Variants in ADCY8 observed in about 807,000 individuals in gnomAD.
The protein encoded by ADCY8 is adenylate cyclase type 8.
ADCY8 carries 51 observed loss-of-function variants against 119.7 expected under a neutral mutation model. The ratio of observed to expected loss-of-function variants is 0.43; its 90% confidence interval spans 0.34 to 0.54. The LOEUF (loss-of-function observed/expected upper bound fraction) is 0.54, where lower values mean the gene tolerates loss of function less well. ADCY8 is among the 20% of genes least tolerant of loss of function. The pLI is 0.03. For missense variants in ADCY8, 1,383 were observed against 1,598.8 expected (o/e 0.87, Z 2.30); for synonymous variants, 665 against 651.0 (o/e 1.02, Z -0.33).
chr8:130,871,457 T>C (rs1485865957), intron 8 of ADCY8, among the ~76,000 whole-genome samples: 4 of 152,208 alleles, frequency 2.6e-5, no homozygotes, highest in South Asian at 2.1e-4. Context: ...GATACAATAA[T>C]AGGAATTATC....
chr8:131,014,307 T>G (rs1391980629), intron 1 of ADCY8, among the ~76,000 whole-genome samples: 1 of 152,206 alleles, frequency 6.6e-6, no homozygotes, highest in African/African-American at 2.4e-5. Context: ...ACATGGTGAT[T>G]ATGAGTAAGT....
At chr8:130,870,069 A>T (rs1278636192) in intron 8 of ADCY8, among the ~76,000 whole-genome samples, 5 of 142,304 alleles carry the variant, frequency 3.5e-5, no homozygotes, top group Admixed American at 1.5e-4. Flanking sequence ...GCTGGAGTGC[A>T]GTGGTGCAAT....
At chr8:130,984,616 T>C (rs113279135) in intron 2 of ADCY8, among the ~76,000 whole-genome samples, 1,828 of 152,116 alleles carry the variant, frequency 0.012, 44 homozygotes, top group African/African-American at 0.042. Flanking sequence ...CTGGTTAACA[T>C]CAATTAGAAA....
chr8:130,825,085 T>C (rs1240358118), intron 12 of ADCY8, among the ~76,000 whole-genome samples: 1 of 152,206 alleles, frequency 6.6e-6, no homozygotes, highest in East Asian at 1.9e-4. Context: ...CAATTGTACA[T>C]ATTTATAGGG....
At chr8:130,815,941 G>C (rs1473089307) in intron 13 of ADCY8, among the ~76,000 whole-genome samples, 1 of 152,186 alleles carries the variant, frequency 6.6e-6, no homozygotes, top group Non-Finnish European at 1.5e-5. Flanking sequence ...AAGGTGCACA[G>C]TGTCCTTTCC....
intron 4 of ADCY8, among the ~76,000 whole-genome samples, chr8:130,941,129 T>C (rs1820942504): frequency 6.6e-6 from 1 of 152,228 alleles, no homozygotes; most frequent in Non-Finnish European, 1.5e-5. Flanking sequence ...TTTTATCTAA[T>C]TGTAATCACG....
At chr8:130,925,691 C>T (rs1286528167) in intron 5 of ADCY8, among the ~76,000 whole-genome samples, 1 of 152,196 alleles carries the variant, frequency 6.6e-6, no homozygotes, top group Non-Finnish European at 1.5e-5. Context: ...GGAATCCTGA[C>T]TGGAATTCTT....
intron 2 of ADCY8, among the ~76,000 whole-genome samples, chr8:130,983,858 C>A (rs745904363): frequency 1.1e-4 from 17 of 152,144 alleles, no homozygotes; most frequent in Non-Finnish European, 2.1e-4. Context: ...AGGAATCGAC[C>A]AAATCAAATC....
chr8:131,026,918 G>A (rs980816034), intron 1 of ADCY8, among the ~76,000 whole-genome samples: 1 of 152,150 alleles, frequency 6.6e-6, no homozygotes, highest in African/African-American at 2.4e-5. Flanking sequence ...TTTTACAGCT[G>A]AAGAAAGTGA....
intron 14 of ADCY8, among the ~76,000 whole-genome samples, chr8:130,803,645 T>C (rs562757065): frequency 6.6e-6 from 1 of 152,322 alleles, no homozygotes; most frequent in East Asian, 1.9e-4. Flanking sequence ...TATGAAGTCA[T>C]ATGATAATTA....
intron 9 of ADCY8, among the ~76,000 whole-genome samples, chr8:130,862,672 C>G (rs1817978508): frequency 6.6e-6 from 1 of 152,198 alleles, no homozygotes; most frequent in Admixed American, 6.5e-5. Flanking sequence ...CTCGGCCTCC[C>G]AAAGTGCTGG....
At chr8:130,997,753 T>C (rs1343672079) in intron 1 of ADCY8, among the ~76,000 whole-genome samples, 1 of 152,200 alleles carries the variant, frequency 6.6e-6, no homozygotes, top group Non-Finnish European at 1.5e-5. Flanking sequence ...TACCACTCCA[T>C]TGTGGCAGTA....
intron 8 of ADCY8, among the ~76,000 whole-genome samples, chr8:130,884,325 T>C (rs1818896340): frequency 6.6e-6 from 1 of 152,186 alleles, no homozygotes; most frequent in Admixed American, 6.5e-5. Context: ...GTCTTTGTTC[T>C]TTGAGTCTTC....
At chr8:131,008,651 A>G (rs4403388) in intron 1 of ADCY8, among the ~76,000 whole-genome samples, 80,695 of 152,052 alleles carry the variant, frequency 0.53, 22,320 homozygotes, top group East Asian at 0.72. Flanking sequence ...GTGCTGCTAT[A>G]AGAGTACTCA....
intron 1 of ADCY8, among the ~76,000 whole-genome samples, chr8:131,011,628 G>A (rs1281134974): frequency 6.6e-6 from 1 of 152,186 alleles, no homozygotes; most frequent in African/African-American, 2.4e-5. Context: ...ATGGGCCTGG[G>A]GTAGGTTTGT....
chr8:131,023,890 A>T (rs1336698796), intron 1 of ADCY8, among the ~76,000 whole-genome samples: 1 of 152,216 alleles, frequency 6.6e-6, no homozygotes, highest in Non-Finnish European at 1.5e-5. Flanking sequence ...CCTTCCACAA[A>T]ATTAAGAAGG....
chr8:130,939,970 T>A (rs79982348), intron 4 of ADCY8, among the ~76,000 whole-genome samples: 1 of 152,284 alleles, frequency 6.6e-6, no homozygotes, highest in African/African-American at 2.4e-5. Flanking sequence ...CTGGGCTGGA[T>A]GTCACCCTCA....
At chr8:130,945,012 T>A (rs977675837) in intron 3 of ADCY8, among the ~76,000 whole-genome samples, 3 of 152,116 alleles carry the variant, frequency 2.0e-5, no homozygotes, top group African/African-American at 7.2e-5. Context: ...TAGAGAAAAG[T>A]CTCAGCTGGT....
rs137912183 is a variant in ADCY8 at position 130,908,070 on chromosome 8, A to G, written c.1640+1638T>C. Among the ~76,000 whole-genome samples the G allele has an allele frequency of 8.1e-3, 1,236 of 152,314 alleles. 19 individuals are homozygous for G. The highest frequency in any genetic ancestry group is 0.028 in the African/African-American group (1,184 of 41,570). On this transcript the variant is annotated intron_variant, in intron 6 of 17. Coordinates refer to ENST00000286355, the MANE Select transcript of ADCY8 (RefSeq NM_001115.3). ...CATCCATGTTGCTGCAAAGGACATG[A>G]TGTCATTCCTTTTTATGGCTTTGTA...
Sources: allele counts gnomAD v4.1 joint callset (sites outside exome capture counted in the v4.1 genomes callset), GRCh38; gene constraint gnomAD v4.1.1; transcripts MANE v1.5; gene names NCBI Gene and HGNC (gene_info 2026-07-23, HGNC 2026-07-21).